NMT2: variants seen among roughly 807,000 people sequenced by gnomAD.
NMT2 encodes N-myristoyltransferase 2, also known as glycylpeptide N-tetradecanoyltransferase 2.
In NMT2, 35 loss-of-function variants were observed where a neutral mutation model predicts 65.4. That is an observed-to-expected ratio of 0.54 (90% CI 0.41 to 0.71). The LOEUF is 0.71. Among genes scored for constraint, NMT2 ranks in the 30% least tolerant of loss-of-function variants. The pLI is 0.00. For missense variants in NMT2, 489 were observed against 611.3 expected (o/e 0.80, Z 2.11); for synonymous variants, 226 against 231.8 (o/e 0.98, Z 0.23).
chr10:15,105,951 C>T lies in NMT2; in HGVS notation c.*3244G>A, dbSNP rs1325477127. Reference sequence around the variant, plus strand: ...TTTAAAGGAGCAGTGTAACTGTCACCGTGAGGTAAGCTCATGACAAAGTTT... The same window carrying T: ...TTTAAAGGAGCAGTGTAACTGTCACTGTGAGGTAAGCTCATGACAAAGTTT... On this transcript the variant is annotated 3_prime_UTR_variant, in exon 12 of 12. Transcript: ENST00000378165. 1.4e-5 allele frequency: 5 copies of T among 361,646 alleles called. No homozygotes were observed. Among genetic ancestry groups the T allele is most frequent in the Middle Eastern group, 9.2e-4 (1 of 1,090 alleles). The allele number at this position is 361,646 out of a possible 1,614,324, so 22.4% of individuals were successfully genotyped here.
At chr10:15,134,655 G>T (rs923909451) in intron 3 of NMT2, among the ~76,000 whole-genome samples, 1 of 152,068 alleles carries the variant, frequency 6.6e-6, no homozygotes, top group African/African-American at 2.4e-5. Flanking sequence ...TCAGGGCCTG[G>T]TCCTTCCATC....
chr10:15,165,875 CAAA>C (rs34031754), intron 1 of NMT2, among the ~76,000 whole-genome samples: 3 of 94,882 alleles, frequency 3.2e-5, no homozygotes, highest in African/African-American at 6.3e-5. Context: ...AAGACTGTCT[CAAA>C]AAAAAAAAAA....
chr10:15,139,362 C>A (rs1269071902), intron 2 of NMT2, among the ~76,000 whole-genome samples: 4 of 151,988 alleles, frequency 2.6e-5, no homozygotes, highest in African/African-American at 9.7e-5. Flanking sequence ...CCATATAATG[C>A]CAAGAGTTCG....
At chr10:15,124,092 C>A (rs1846007847) in intron 8 of NMT2, among the ~76,000 whole-genome samples, 1 of 152,212 alleles carries the variant, frequency 6.6e-6, no homozygotes, top group African/African-American at 2.4e-5. Context: ...AGCACACCCT[C>A]CTTGCAGCAC....
At position 15,118,200 on chromosome 10, in the gene NMT2, C is replaced by G. The variant is rs144390947; in HGVS notation, c.1170+1143G>C. On this transcript the variant is annotated intron_variant, in intron 9 of 11. Coordinates refer to ENST00000378165, the MANE Select transcript of NMT2 (RefSeq NM_004808.3). Reference sequence around the variant, plus strand: ...ATCAACGAAATAGAATATAGAGGACCCAGAAAGGAACGCAATACAAAGTGT... The same window carrying G: ...ATCAACGAAATAGAATATAGAGGACGCAGAAAGGAACGCAATACAAAGTGT... Among the ~76,000 whole-genome samples, 792 of 152,158 alleles carry G rather than the reference C, an allele frequency of 5.2e-3. 5 individuals carry two copies. Among genetic ancestry groups the G allele is most frequent in the Non-Finnish European group, 7.5e-3 (512 of 68,000 alleles).
Position 15,133,479 on chromosome 10 carries a change from C to T in NMT2, c.392-116G>A, listed in dbSNP as rs924819578. On this transcript the variant is annotated intron_variant, in intron 3 of 11. Transcript: ENST00000378165. ...TAAGCAAAATCTGACTTAGGGCCCTCGGGTTTCAGATAATCTTTAAAAAGA... is the reference window on the plus strand; with the variant it reads ...TAAGCAAAATCTGACTTAGGGCCCTTGGGTTTCAGATAATCTTTAAAAAGA... 13 of 739,740 alleles carry T rather than the reference C, an allele frequency of 1.8e-5. 1 individual carries two copies. Among genetic ancestry groups the T allele is most frequent in the Middle Eastern group, 7.1e-4 (2 of 2,818 alleles). The allele number at this position is 739,740 out of a possible 1,614,324, so 45.8% of individuals were successfully genotyped here.
rs182262233 is a variant in NMT2, at chr10:15,153,899, C to T, written c.111-12342G>A. On this transcript the variant is annotated intron_variant, in intron 1 of 11. Coordinates refer to ENST00000378165, the MANE Select transcript of NMT2 (RefSeq NM_004808.3). ...CGATCTCCTGATCTCGTGATCCACC[C>T]GCCTCGCCCCCCAAAGTGCTGGGAT... Among the ~76,000 whole-genome samples, 328 of 152,150 alleles carry T rather than the reference C, an allele frequency of 2.2e-3. 3 individuals are homozygous for T. The highest frequency in any genetic ancestry group is 6.9e-3 in the Admixed American group (106 of 15,288).
intron 9 of NMT2, 114 bp downstream of exon 9, chr10:15,119,229 T>A (rs942124076): frequency 1.1e-6 from 1 of 922,212 alleles, no homozygotes; most frequent in Non-Finnish European, 1.7e-6. Context: ...TTAGTACACA[T>A]CTTTGTAATG....
At chr10:15,132,783 T>A in intron 6 of NMT2, 34 bp downstream of exon 6, 1 of 1,440,460 alleles carries the variant, frequency 6.9e-7, no homozygotes, top group East Asian at 2.3e-5. Context: ...AAAATAAACA[T>A]ATAAAAACCG....
rs1846223617 is a variant in NMT2, at chr10:15,130,092, C to A, written c.890+50G>T. On this transcript the variant is annotated intron_variant, in intron 7 of 11. Transcript: ENST00000378165. ...CATCTAGCAGAACAGTGGTGAGGCT[C>A]AACATTTTTGATAAAGGGAGGACCT... 4.4e-6 allele frequency: 6 copies of A among 1,349,288 alleles called. No individual in the cohort carries two copies. In the Admixed American group the frequency reaches 1.7e-4, roughly 37 times the overall value. 83.6% of individuals were successfully genotyped at this position (1,349,288 alleles called of 1,614,324 possible).
At chr10:15,131,912 C>T (rs1161021757) in intron 6 of NMT2, among the ~76,000 whole-genome samples, 1 of 151,982 alleles carries the variant, frequency 6.6e-6, no homozygotes, top group African/African-American at 2.4e-5. Context: ...GTCACCCATG[C>T]TGGAGTGCAG....
chr10:15,165,575 A>G (rs1412733280), intron 1 of NMT2, among the ~76,000 whole-genome samples: 1 of 152,150 alleles, frequency 6.6e-6, no homozygotes, highest in Non-Finnish European at 1.5e-5. Context: ...TGGGTGGACC[A>G]AAAAGTTAAA....
chr10:15,141,480 C>G lies in NMT2; in HGVS notation c.188G>C (p.Gly63Ala), dbSNP rs1029794101. 1 of 1,614,070 alleles carries G rather than the reference C, an allele frequency of 6.2e-7. No homozygotes were observed. The highest frequency in any genetic ancestry group is 8.5e-7 in the Non-Finnish European group (1 of 1,180,036). ...ATCAGATGCCGAGTCTGACTTGGTG[C>G]CTCCGGAATTTGGTTTCTCCTTTTT... ...KRKKEKPNSG[G>A]TKSDSASDSQ... The change falls in exon 2 of 12, where the codon GGC (glycine) becomes GCC (alanine). Residue 63 changes from glycine (G) to alanine (A), a missense_variant. Physicochemically the swap from Gly to Ala is moderately conservative, Grantham distance 60 (BLOSUM62 0). Transcript: ENST00000378165.
At position 15,105,876 on chromosome 10, in the gene NMT2, T is replaced by C. The variant is rs1845283589; in HGVS notation, c.*3319A>G. On this transcript the variant is annotated 3_prime_UTR_variant, in exon 12 of 12. Coordinates refer to ENST00000378165, the MANE Select transcript of NMT2 (RefSeq NM_004808.3). ...ATTATGGAGGCAAATGTAGTTATTA[T>C]TCTATTTAAAAGTGGTTAATAATTT... The C allele has an allele frequency of 4.6e-6, 1 of 216,770 alleles. No individual in the cohort carries two copies. The highest frequency in any genetic ancestry group is 5.9e-5 in the Admixed American group (1 of 16,854). 13.4% of individuals were successfully genotyped at this position (216,770 alleles called of 1,614,324 possible). A position where few individuals can be genotyped will look rare whatever the true frequency, so the allele number is the denominator to read the frequency against.
rs1474355484 is a variant in NMT2 at position 15,152,683 on chromosome 10, T to C, written c.111-11126A>G. Among the ~76,000 whole-genome samples the C allele has an allele frequency of 2.0e-5, 3 of 152,178 alleles. No homozygotes were observed. In the East Asian group the frequency reaches 5.8e-4, roughly 29 times the overall value. The stretch of plus-strand genomic sequence containing the variant: ...TCAAATCATGAGTTTTAAAGACAAA[T>C]GGCTCCTTTTAAGCAGTTTTTTTCA... On this transcript the variant is annotated intron_variant, in intron 1 of 11. Transcript: ENST00000378165.
chr10:15,167,166 T>G (rs568741766), intron 1 of NMT2, among the ~76,000 whole-genome samples: 1 of 135,452 alleles, frequency 7.4e-6, no homozygotes, highest in African/African-American at 3.3e-5. Flanking sequence ...CCTATGCAAT[T>G]TCCTTTCCTC....
Position 15,160,275 on chromosome 10 carries a change from T to C in NMT2, c.110+8228A>G, listed in dbSNP as rs528626306. Reference sequence around the variant, plus strand: ...ATTTTAGTGATTCCTGGGAGGAGGGTGGTGAGAGACACAGAACTGAAGATA... The same window carrying C: ...ATTTTAGTGATTCCTGGGAGGAGGGCGGTGAGAGACACAGAACTGAAGATA... On this transcript the variant is annotated intron_variant, in intron 1 of 11. Transcript: ENST00000378165. Among the ~76,000 whole-genome samples the C allele has an allele frequency of 5.9e-5, 9 of 152,048 alleles. No individual in the cohort carries two copies. The South Asian group carries it at 1.2e-3, about 21-fold the overall frequency.
rs139455966 is a variant in NMT2, at chr10:15,135,817, C to T, written c.247-399G>A. ...CAGAGTAAATGCTCTGCAGGAGCAA[C>T]GAGGGGATGAAGGAAAGAACTTCTA... On this transcript the variant is annotated intron_variant, in intron 2 of 11. Transcript: ENST00000378165. 1.6e-3 allele frequency among the ~76,000 whole-genome samples: 229 copies of T among 143,102 alleles called. 2 individuals carry two copies. Among genetic ancestry groups the T allele is most frequent in the African/African-American group, 5.7e-3 (218 of 38,120 alleles). 93.9% of individuals were successfully genotyped at this position (143,102 alleles called of 152,430 possible). A position where few individuals can be genotyped will look rare whatever the true frequency, so the allele number is the denominator to read the frequency against.
intron 8 of NMT2, among the ~76,000 whole-genome samples, chr10:15,127,436 A>G (rs1173475320): frequency 1.4e-5 from 2 of 146,316 alleles, no homozygotes; most frequent in African/African-American, 5.0e-5. Context: ...AGTCCCAGCT[A>G]CTCAGGAGGC....
Sources: gnomAD v4.1 joint callset for allele counts (sites outside exome capture counted in the v4.1 genomes callset) on GRCh38, gnomAD v4.1.1 for gene constraint, MANE v1.5 for transcripts, NCBI Gene and HGNC (gene_info 2026-07-23, HGNC 2026-07-21) for gene names.